PTCHD4: variants seen among roughly 807,000 people sequenced by gnomAD.
PTCHD4 encodes the protein patched domain containing 4.
Under a neutral mutation model 58.1 loss-of-function variants are expected in PTCHD4, and 33 were observed. That is an observed-to-expected ratio of 0.57 (90% CI 0.43 to 0.76). The LOEUF (loss-of-function observed/expected upper bound fraction) is 0.76, where lower values mean the gene tolerates loss of function less well. PTCHD4 is among the 30% of genes least tolerant of loss of function. The pLI, the probability that PTCHD4 is intolerant of heterozygous loss-of-function variation, is 0.00. For synonymous variants in PTCHD4, 478 were observed against 409.6 expected, an observed-to-expected ratio of 1.17 and a Z score of -2.02; for missense variants, 1,058 against 1,027.1, an observed-to-expected ratio of 1.03 and a Z score of -0.41.
At chr6:47,931,630 T>G (rs1457214382) in intron 4 of PTCHD4, among the ~76,000 whole-genome samples, 1 of 152,188 alleles carries the variant, frequency 6.6e-6, no homozygotes, top group Non-Finnish European at 1.5e-5. Context: ...TAAAACATAA[T>G]CTCCAAATGT....
intron 4 of PTCHD4, among the ~76,000 whole-genome samples, chr6:47,914,536 C>T (rs116277216): frequency 5.8e-4 from 88 of 152,074 alleles, no homozygotes; most frequent in African/African-American, 2.0e-3. Context: ...CCTAGGTATT[C>T]ATCTTCCAGA....
intron 1 of PTCHD4, among the ~76,000 whole-genome samples, chr6:48,103,176 CG>C (rs1217692236): frequency 1.3e-5 from 2 of 152,186 alleles, no homozygotes; most frequent in African/African-American, 4.8e-5. Flanking sequence ...CCCTGACCCA[CG>C]AGTAGCCTAA....
At chr6:48,021,950 C>T (rs1262967204) in intron 3 of PTCHD4, among the ~76,000 whole-genome samples, 3 of 152,134 alleles carry the variant, frequency 2.0e-5, no homozygotes, top group African/African-American at 4.8e-5. Flanking sequence ...ATATGGAGTA[C>T]ATATCTCAAG....
At chr6:48,079,273 A>G (rs1295970109) in intron 1 of PTCHD4, among the ~76,000 whole-genome samples, 1 of 152,160 alleles carries the variant, frequency 6.6e-6, no homozygotes, top group East Asian at 1.9e-4. Flanking sequence ...ATTACCTTGC[A>G]TAGTCGTAAC....
At chr6:48,056,098 T>C (rs1295967810) in intron 3 of PTCHD4, among the ~76,000 whole-genome samples, 7 of 152,194 alleles carry the variant, frequency 4.6e-5, no homozygotes, top group African/African-American at 1.7e-4. Context: ...AACAAATACA[T>C]TTACATTTAC....
At chr6:48,008,488 A>G in intron 4 of PTCHD4, 146 bp downstream of exon 4, 1 of 926,306 alleles carries the variant, frequency 1.1e-6, no homozygotes, top group Non-Finnish European at 1.6e-6. Context: ...ATAAGGTGAA[A>G]CAGACACAAC....
In PTCHD4 at chr6:47,870,274, T is replaced by C. The variant is rs896389922; in HGVS notation, c.*8029A>G. Reference sequence around the variant, plus strand: ...AAGATTTGTACCTGTAAGCTTTAGATAATAGATTTGTCATGCAGATAAATT... The same window carrying C: ...AAGATTTGTACCTGTAAGCTTTAGACAATAGATTTGTCATGCAGATAAATT... On this transcript the variant is annotated 3_prime_UTR_variant, in exon 5 of 5. Coordinates refer to ENST00000339488, the MANE Select transcript of PTCHD4 (RefSeq NM_001384253.1). Among the ~76,000 whole-genome samples the C allele has an allele frequency of 3.3e-5, 5 of 151,658 alleles. No homozygotes were observed. The highest frequency in any genetic ancestry group is 1.2e-4 in the African/African-American group (5 of 41,378).
chr6:47,893,202 G>A (rs2114130097), intron 4 of PTCHD4, among the ~76,000 whole-genome samples: 1 of 152,122 alleles, frequency 6.6e-6, no homozygotes, highest in Admixed American at 6.5e-5. Context: ...GTAGAGATGG[G>A]GTTTCACCAT....
intron 4 of PTCHD4, among the ~76,000 whole-genome samples, chr6:47,948,570 A>G (rs935218234): frequency 6.6e-6 from 1 of 152,160 alleles, no homozygotes; most frequent in African/African-American, 2.4e-5. Context: ...TGAGAAACAG[A>G]ATGCATCATT....
chr6:47,906,150 T>A (rs1764877644), intron 4 of PTCHD4, among the ~76,000 whole-genome samples: 1 of 152,196 alleles, frequency 6.6e-6, no homozygotes. Context: ...TCAATTCAGG[T>A]TGGATCTCTA....
chr6:47,890,030 T>A (rs1561941396), intron 4 of PTCHD4, among the ~76,000 whole-genome samples: 1 of 152,004 alleles, frequency 6.6e-6, no homozygotes, highest in Non-Finnish European at 1.5e-5. Flanking sequence ...CCAGTGTATG[T>A]GTGTATATAT....
At chr6:48,094,381 T>C (rs1765421946) in intron 1 of PTCHD4, among the ~76,000 whole-genome samples, 1 of 152,150 alleles carries the variant, frequency 6.6e-6, no homozygotes, top group Non-Finnish European at 1.5e-5. Flanking sequence ...TTGGGATAAT[T>C]TTCTGCTGGG....
chr6:47,941,825 A>G (rs1326322725), intron 4 of PTCHD4, among the ~76,000 whole-genome samples: 1 of 152,174 alleles, frequency 6.6e-6, no homozygotes, highest in African/African-American at 2.4e-5. Context: ...ATTTTTTTCT[A>G]AAGAAAATTT....
chr6:47,868,706 A>C lies in PTCHD4; in HGVS notation c.*9597T>G, dbSNP rs1763639115. Among the ~76,000 whole-genome samples, 1 of 151,798 alleles carries C rather than the reference A, an allele frequency of 6.6e-6. No homozygotes were observed. Among genetic ancestry groups the C allele is most frequent in the Non-Finnish European group, 1.5e-5 (1 of 67,814 alleles). Reference sequence around the variant, plus strand: ...ATTTGCAAATAGGTTCCAAATGTCCAGCTTAATTTTTCTGAGTTCTTATTT... The same window carrying C: ...ATTTGCAAATAGGTTCCAAATGTCCCGCTTAATTTTTCTGAGTTCTTATTT... On this transcript the variant is annotated 3_prime_UTR_variant, in exon 5 of 5. Transcript: ENST00000339488.
rs550344188 is a variant in PTCHD4, at chr6:48,088,586, C to T, written c.-969-18660G>A. On this transcript the variant is annotated intron_variant, in intron 1 of 4. Transcript: ENST00000339488. The stretch of plus-strand genomic sequence containing the variant: ...TTAAAAGCTGTGATATGAAAATCAG[C>T]AAAAATCCAGCTAAGTCTGACAAAT... 1.5e-3 allele frequency among the ~76,000 whole-genome samples: 224 copies of T among 152,158 alleles called. 1 individual carries two copies. The highest frequency in any genetic ancestry group is 3.4e-3 in the Middle Eastern group (1 of 294).
At chr6:47,898,593 G>T (rs1463055273) in intron 4 of PTCHD4, among the ~76,000 whole-genome samples, 3 of 152,112 alleles carry the variant, frequency 2.0e-5, no homozygotes, top group Non-Finnish European at 4.4e-5. Context: ...TTTTTTCAAG[G>T]ATTCTTGTAA....
intron 4 of PTCHD4, among the ~76,000 whole-genome samples, chr6:47,976,629 G>C (rs1306132768): frequency 6.6e-6 from 1 of 150,698 alleles, no homozygotes; most frequent in Non-Finnish European, 1.5e-5. Context: ...ACTCCAGCCT[G>C]GGCCACAAGA....
chr6:48,039,359 A>T (rs1289877801), intron 3 of PTCHD4, among the ~76,000 whole-genome samples: 2 of 152,136 alleles, frequency 1.3e-5, no homozygotes, highest in Non-Finnish European at 2.9e-5. Flanking sequence ...CTTATTTAGG[A>T]TTCAATGCTT....
Position 47,972,692 on chromosome 6 carries a change from C to G in PTCHD4, c.898+35942G>C, listed in dbSNP as rs6458597. ...CTATCACCTATCTTATATATCTAAACCATTTATCCATCTATCTTTTTGTCT... is the reference window on the plus strand; with the variant it reads ...CTATCACCTATCTTATATATCTAAAGCATTTATCCATCTATCTTTTTGTCT... On this transcript the variant is annotated intron_variant, in intron 4 of 4. Transcript: ENST00000339488. Among the ~76,000 whole-genome samples, 475 of 151,938 alleles carry G rather than the reference C, an allele frequency of 3.1e-3. 4 individuals are homozygous for G. Among genetic ancestry groups the G allele is most frequent in the African/African-American group, 9.5e-3 (396 of 41,490 alleles).
Sources: gnomAD v4.1 joint callset for allele counts (sites outside exome capture counted in the v4.1 genomes callset) on GRCh38, gnomAD v4.1.1 for gene constraint, MANE v1.5 for transcripts, NCBI Gene and HGNC (gene_info 2026-07-23, HGNC 2026-07-21) for gene names.